ARMC2: variants seen among roughly 807,000 people sequenced by gnomAD.
ARMC2 encodes armadillo repeat containing 2.
Under a neutral mutation model 90.3 loss-of-function variants are expected in ARMC2, and 67 were observed. That is an observed-to-expected ratio of 0.74 (90% CI 0.61 to 0.91). The LOEUF is 0.91. Among genes scored for constraint, ARMC2 ranks in the 40% least tolerant of loss-of-function variants. The pLI is 0.00. For missense variants in ARMC2, 920 were observed against 1,030.9 expected (o/e 0.89, Z 1.47); for synonymous variants, 393 against 393.0 (o/e 1.00, Z 0.00).
the ARMC2 span, among the ~76,000 whole-genome samples, chr6:109,044,303 A>G: frequency 7.8e-6 from 1 of 128,096 alleles, no homozygotes; most frequent in African/African-American, 3.0e-5. Context: ...CACAGTGAGA[A>G]CTTGCCTCAA....
chr6:109,001,418 C>T, the ARMC2 span: 45 of 1,613,632 alleles, frequency 2.8e-5, no homozygotes, highest in Middle Eastern at 1.6e-4. Flanking sequence ...GTTATCCAAA[C>T]GGCCCAAAGC....
chr6:108,992,889 T>G, the ARMC2 span: 1 of 1,602,526 alleles, frequency 6.2e-7, no homozygotes, highest in South Asian at 1.1e-5. Flanking sequence ...CTGGTGTAAC[T>G]TCTTCATCAT....
the ARMC2 span, among the ~76,000 whole-genome samples, chr6:108,999,670 T>C: frequency 6.6e-6 from 1 of 152,182 alleles, no homozygotes; most frequent in African/African-American, 2.4e-5. Flanking sequence ...GCTTCATTGC[T>C]GGTGGGAATG....
At chr6:109,012,883 G>C in the ARMC2 span, among the ~76,000 whole-genome samples, 1 of 152,118 alleles carries the variant, frequency 6.6e-6, no homozygotes, top group Non-Finnish European at 1.5e-5. Flanking sequence ...GGGAGGCCGA[G>C]GCAGGGCGGA....
At chr6:108,939,078 C>T (rs1244418054) in intron 12 of ARMC2, among the ~76,000 whole-genome samples, 3 of 152,146 alleles carry the variant, frequency 2.0e-5, no homozygotes, top group Non-Finnish European at 4.4e-5. Flanking sequence ...TTCAGCCTCC[C>T]AAAGTGCTGG....
At position 108,899,797 on chromosome 6, in the gene ARMC2, A is replaced by C. The variant is rs1335048801; in HGVS notation, c.847+5A>C. On this transcript the variant is annotated splice_donor_5th_base_variant and intron_variant, in intron 7 of 17. Transcript: ENST00000392644. ...TTTTGCGTGAATTAGAAAAGGGTAAAACACAAACAAACAAACAAAAAACCG... is the reference window on the plus strand; with the variant it reads ...TTTTGCGTGAATTAGAAAAGGGTAACACACAAACAAACAAACAAAAAACCG... The C allele has an allele frequency of 6.3e-7, 1 of 1,593,218 alleles. No homozygotes were observed.
chr6:108,926,135 T>C (rs1306618144), intron 10 of ARMC2, among the ~76,000 whole-genome samples: 2 of 152,212 alleles, frequency 1.3e-5, no homozygotes, highest in African/African-American at 4.8e-5. Context: ...TGGATTGGGA[T>C]GTCCCATCTT....
chr6:108,923,491 TC>T lies in ARMC2; in HGVS notation c.1351-4596del, dbSNP rs201645382. Among the ~76,000 whole-genome samples the T allele has an allele frequency of 4.3e-3, 646 of 150,210 alleles. 8 individuals are homozygous for T. Among genetic ancestry groups the T allele is most frequent in the African/African-American group, 0.013 (528 of 41,162 alleles). On this transcript the variant is annotated intron_variant, in intron 10 of 17. Transcript: ENST00000392644. ...TCTGTTCAACTGAGAGTTCTTGTTTTCTTTTTTTTAATTTTCACTTGTATAT... is the reference window on the plus strand; with the variant it reads ...TCTGTTCAACTGAGAGTTCTTGTTTTTTTTTTTTAATTTTCACTTGTATAT...
At chr6:109,033,357 A>G in the ARMC2 span, among the ~76,000 whole-genome samples, 4 of 152,378 alleles carry the variant, frequency 2.6e-5, no homozygotes, top group Non-Finnish European at 5.9e-5. Context: ...TTATTTCCCA[A>G]GAAGCCTCTT....
the ARMC2 span, among the ~76,000 whole-genome samples, chr6:109,028,887 G>A: frequency 6.6e-6 from 1 of 152,096 alleles, no homozygotes; most frequent in Non-Finnish European, 1.5e-5. Flanking sequence ...TGAAAAAATG[G>A]TACAGGATTG....
the ARMC2 span, among the ~76,000 whole-genome samples, chr6:109,040,765 G>A: frequency 3.2e-3 from 485 of 150,782 alleles, 2 homozygotes; most frequent in Non-Finnish European, 3.6e-3. Flanking sequence ...CGATTCTCCC[G>A]CCTCAGCCTC....
intron 11 of ARMC2, among the ~76,000 whole-genome samples, chr6:108,934,341 T>C (rs1384529708): frequency 6.6e-6 from 1 of 152,242 alleles, no homozygotes; most frequent in African/African-American, 2.4e-5. Context: ...GTTAATATAG[T>C]AAATTACACT....
intron 15 of ARMC2, among the ~76,000 whole-genome samples, chr6:108,963,309 G>A (rs994604661): frequency 6.6e-5 from 10 of 152,178 alleles, no homozygotes; most frequent in African/African-American, 2.4e-4. Context: ...AACTCTCCAT[G>A]TTCGTAATGG....
chr6:108,888,466 C>A (rs1770598506), intron 5 of ARMC2, among the ~76,000 whole-genome samples: 1 of 152,158 alleles, frequency 6.6e-6, no homozygotes, highest in Non-Finnish European at 1.5e-5. Context: ...GTGGGGAATG[C>A]AACATCTTTA....
At chr6:108,899,030 C>T (rs1771876449) in intron 6 of ARMC2, among the ~76,000 whole-genome samples, 1 of 152,272 alleles carries the variant, frequency 6.6e-6, no homozygotes, top group Non-Finnish European at 1.5e-5. Context: ...AGAGCTTTAC[C>T]TATACCATGT....
At chr6:108,961,943 T>C in intron 14 of ARMC2, 71 bp from the exon 15 acceptor site, 1 of 1,137,408 alleles carries the variant, frequency 8.8e-7, no homozygotes, top group Non-Finnish European at 1.3e-6. Flanking sequence ...TTAAGTATGA[T>C]GTTGATTTCC....
At chr6:108,964,454 T>G in intron 16 of ARMC2, 142 bp downstream of exon 16, 1 of 983,998 alleles carries the variant, frequency 1.0e-6, no homozygotes, top group Admixed American at 2.9e-5. Context: ...AAAGAGGGGG[T>G]TTAGATTCCA....
intron 13 of ARMC2, chr6:108,959,376 G>A (rs568236218): frequency 6.6e-6 from 1 of 152,266 alleles, no homozygotes; most frequent in Non-Finnish European, 1.5e-5. Context: ...CCCCCTGCTT[G>A]CTCCCCAAAG....
chr6:109,025,421 A>C, the ARMC2 span, among the ~76,000 whole-genome samples: 2 of 151,922 alleles, frequency 1.3e-5, no homozygotes, highest in African/African-American at 4.8e-5. Flanking sequence ...TCCAATGAAT[A>C]TAAGCTTACA....
Sources: allele counts gnomAD v4.1 joint callset (sites outside exome capture counted in the v4.1 genomes callset), GRCh38; gene constraint gnomAD v4.1.1; transcripts MANE v1.5; gene names NCBI Gene and HGNC (gene_info 2026-07-23, HGNC 2026-07-21).